EPHA5: variants seen among roughly 807,000 people sequenced by gnomAD.
EPHA5 encodes the protein EPH receptor A5.
EPHA5 carries 60 observed loss-of-function variants against 105.0 expected under a neutral mutation model. The ratio of observed to expected loss-of-function variants is 0.57; its 90% CI spans 0.46 to 0.71. The LOEUF is 0.71. Ranked by LOEUF, EPHA5 falls within the 30% of genes least tolerant of loss-of-function variation. The pLI, the probability that EPHA5 is intolerant of heterozygous loss-of-function variation, is 0.00. For missense variants in EPHA5, 1,218 were observed against 1,274.7 expected, an observed-to-expected ratio of 0.96 and a Z score of 0.68; for synonymous variants, 513 against 449.1, an observed-to-expected ratio of 1.14 and a Z score of -1.80.
chr4:65,527,718 G>A (rs1279940985), intron 3 of EPHA5, among the ~76,000 whole-genome samples: 2 of 151,996 alleles, frequency 1.3e-5, no homozygotes, highest in Non-Finnish European at 2.9e-5. Context: ...AAGTGCAGGG[G>A]TTCAAGTGCA....
At chr4:65,641,657 T>A (rs764138951) in intron 2 of EPHA5, among the ~76,000 whole-genome samples, 1 of 152,086 alleles carries the variant, frequency 6.6e-6, no homozygotes, top group African/African-American at 2.4e-5. Context: ...CTGAATCCCA[T>A]ACACATTTTT....
At chr4:65,668,527 C>G (rs1750158944) in intron 1 of EPHA5, among the ~76,000 whole-genome samples, 1 of 152,130 alleles carries the variant, frequency 6.6e-6, no homozygotes, top group South Asian at 2.1e-4. Flanking sequence ...GGCTGAGACC[C>G]GAGCTCAGTC....
chr4:65,504,792 G>T (rs930420950), intron 3 of EPHA5, among the ~76,000 whole-genome samples: 1 of 151,782 alleles, frequency 6.6e-6, no homozygotes, highest in Non-Finnish European at 1.5e-5. Context: ...ATTCTTCAAA[G>T]GTTTCTAGGA....
chr4:65,460,842 T>C (rs914870993), intron 5 of EPHA5, among the ~76,000 whole-genome samples: 3 of 151,666 alleles, frequency 2.0e-5, no homozygotes, highest in African/African-American at 7.2e-5. Flanking sequence ...TGAGGGGAGA[T>C]AGAGAATTAT....
intron 3 of EPHA5, among the ~76,000 whole-genome samples, chr4:65,599,389 A>G (rs1743491228): frequency 6.9e-6 from 1 of 144,064 alleles, no homozygotes; most frequent in African/African-American, 2.5e-5. Context: ...ATTTACATGT[A>G]CTTATTGTGT....
intron 8 of EPHA5, among the ~76,000 whole-genome samples, chr4:65,380,200 C>T (rs1719417895): frequency 2.0e-5 from 3 of 151,734 alleles, no homozygotes; most frequent in African/African-American, 7.3e-5. Context: ...TACATAACTG[C>T]ATGCAGCTAT....
chr4:65,334,407 A>C (rs1463790916), intron 15 of EPHA5, among the ~76,000 whole-genome samples: 1 of 152,038 alleles, frequency 6.6e-6, no homozygotes, highest in Non-Finnish European at 1.5e-5. Context: ...CAATTTTGAT[A>C]ATAGCAAGGT....
chr4:65,561,527 CTGTTCACAGTGGTCCATTGATCACA>C (rs1739018281), intron 3 of EPHA5, among the ~76,000 whole-genome samples: 1 of 152,060 alleles, frequency 6.6e-6, no homozygotes, highest in African/African-American at 2.4e-5. Flanking sequence ...TAGATTTAGG[CTGTTCACAGTGGTCCATTGATCACA>C]TGTTCACTTC....
chr4:65,557,752 G>A (rs889210707), intron 3 of EPHA5, among the ~76,000 whole-genome samples: 2 of 152,118 alleles, frequency 1.3e-5, no homozygotes, highest in Non-Finnish European at 2.9e-5. Flanking sequence ...TTCAGAGGTG[G>A]ATGAACAAGG....
intron 1 of EPHA5, among the ~76,000 whole-genome samples, chr4:65,646,478 G>T (rs919419188): frequency 2.0e-4 from 30 of 152,234 alleles, no homozygotes; most frequent in African/African-American, 6.3e-4. Context: ...TTCATTAGTG[G>T]ATGAATACTT....
chr4:65,534,496 A>G (rs1042220001), intron 3 of EPHA5, among the ~76,000 whole-genome samples: 63 of 152,344 alleles, frequency 4.1e-4, no homozygotes, highest in African/African-American at 1.4e-3. Flanking sequence ...CTTAGGAAAT[A>G]CTTTTCAACT....
rs547261906 is a variant in EPHA5 at position 65,321,875 on chromosome 4, T to C, written c.*2239A>G. 5 of 225,680 alleles carry C rather than the reference T, an allele frequency of 2.2e-5. No individual in the cohort carries two copies. The highest frequency in any genetic ancestry group is 1.1e-4 in the African/African-American group (5 of 45,042). The allele number at this position is 225,680 out of a possible 1,614,324, so 14.0% of individuals were successfully genotyped here. ...CTAAAGCATATGGTAATTTTCCTTT[T>C]GAATCAATAAGGCTTTCATTCTGAA... On this transcript the variant is annotated 3_prime_UTR_variant, in exon 17 of 17. Coordinates refer to ENST00000613740, the MANE Select transcript of EPHA5 (RefSeq NM_001281766.3).
At position 65,323,679 on chromosome 4, in the gene EPHA5, G is replaced by C. The variant is rs776444855; in HGVS notation, c.*435C>G. 2.9e-4 allele frequency: 66 copies of C among 227,110 alleles called. No homozygotes were observed. The highest frequency in any genetic ancestry group is 5.2e-4 in the Non-Finnish European group (61 of 116,394). 14.1% of individuals were successfully genotyped at this position (227,110 alleles called of 1,614,324 possible). On this transcript the variant is annotated 3_prime_UTR_variant, in exon 17 of 17. Transcript: ENST00000613740. ...ACACTTTTGTAGACAATTAAGACTTGAAGTAAACTTCAGTAAACTGTAGCT... is the reference window on the plus strand; with the variant it reads ...ACACTTTTGTAGACAATTAAGACTTCAAGTAAACTTCAGTAAACTGTAGCT...
intron 8 of EPHA5, among the ~76,000 whole-genome samples, chr4:65,399,431 G>A (rs1478153073): frequency 6.6e-6 from 1 of 152,156 alleles, no homozygotes; most frequent in African/African-American, 2.4e-5. Flanking sequence ...CAGGGCGAGT[G>A]GGCAGAACGA....
At chr4:65,460,040 G>T (rs191848864) in intron 5 of EPHA5, among the ~76,000 whole-genome samples, 1 of 151,532 alleles carries the variant, frequency 6.6e-6, no homozygotes, top group African/African-American at 2.4e-5. Flanking sequence ...GAATCTCGAC[G>T]TGAGAAACTG....
intron 1 of EPHA5, among the ~76,000 whole-genome samples, chr4:65,650,136 A>C (rs1238353823): frequency 6.6e-6 from 1 of 152,200 alleles, no homozygotes; most frequent in Admixed American, 6.5e-5. Context: ...TATTTATGGT[A>C]TATAATCATC....
intron 3 of EPHA5, among the ~76,000 whole-genome samples, chr4:65,540,863 T>G (rs2149320681): frequency 1.2e-5 from 1 of 84,504 alleles, no homozygotes; most frequent in African/African-American, 3.6e-5. Context: ...CAGTCAATTT[T>G]ATAAAAAAAA....
chr4:65,503,856 C>T (rs1346148914), intron 3 of EPHA5, among the ~76,000 whole-genome samples: 2 of 150,944 alleles, frequency 1.3e-5, no homozygotes, highest in Non-Finnish European at 3.0e-5. Context: ...TATTAACATA[C>T]ACATTTTTAA....
At chr4:65,601,313 A>G (rs1035178696) in intron 3 of EPHA5, among the ~76,000 whole-genome samples, 1 of 152,222 alleles carries the variant, frequency 6.6e-6, no homozygotes, top group African/African-American at 2.4e-5. Flanking sequence ...GATGTAGCAG[A>G]CAATAATTAT....
Sources: gnomAD v4.1 joint callset for allele counts (sites outside exome capture counted in the v4.1 genomes callset) on GRCh38, gnomAD v4.1.1 for gene constraint, MANE v1.5 for transcripts, NCBI Gene and HGNC (gene_info 2026-07-23, HGNC 2026-07-21) for gene names.